NTRK2: variants seen among roughly 807,000 people sequenced by gnomAD.
The protein encoded by NTRK2 is neurotrophic receptor tyrosine kinase 2, also known as BDNF/NT-3 growth factors receptor.
Under a neutral mutation model 94.5 loss-of-function variants are expected in NTRK2, and 13 were observed. That is an observed-to-expected ratio of 0.14 (90% CI 0.09 to 0.22). NTRK2 has a LOEUF of 0.22. Among genes scored for constraint, NTRK2 ranks in the 10% least tolerant of loss-of-function variants. The pLI is 1.00. For synonymous variants in NTRK2, 372 were observed against 407.4 expected, an observed-to-expected ratio of 0.91 and a Z score of 1.05; for missense variants, 639 against 1,071.2, an observed-to-expected ratio of 0.60 and a Z score of 5.63.
chr9:84,673,608 C>G (rs948397102), intron 2 of NTRK2, among the ~76,000 whole-genome samples: 1 of 152,024 alleles, frequency 6.6e-6, no homozygotes, highest in Non-Finnish European at 1.5e-5. Context: ...TATATTAAAC[C>G]ATCATGCCCT....
At chr9:84,696,573 G>A (rs193140908) in intron 2 of NTRK2, among the ~76,000 whole-genome samples, 212 of 152,294 alleles carry the variant, frequency 1.4e-3, no homozygotes, top group African/African-American at 4.6e-3. Context: ...GCTAGGAAAC[G>A]GAGATCAGTG....
At chr9:84,735,778 A>G (rs2063216245) in intron 9 of NTRK2, among the ~76,000 whole-genome samples, 1 of 152,236 alleles carries the variant, frequency 6.6e-6, no homozygotes, top group Non-Finnish European at 1.5e-5. Context: ...CTAAGATGAA[A>G]TTGATCCACT....
chr9:84,825,045 G>C (rs141714607), intron 12 of NTRK2, among the ~76,000 whole-genome samples: 1 of 150,154 alleles, frequency 6.7e-6, no homozygotes, highest in African/African-American at 2.5e-5. Context: ...CACCTGCCCC[G>C]TGCCTTCTGC....
chr9:85,021,101 TATA>T (rs1219002894), intron 18 of NTRK2, 148 bp from the exon 19 acceptor site: 19 of 707,672 alleles, frequency 2.7e-5, no homozygotes, highest in African/African-American at 5.3e-5. Flanking sequence ...TAAACTAACC[TATA>T]ATAATTGCTC....
intron 2 of NTRK2, among the ~76,000 whole-genome samples, chr9:84,688,181 T>C (rs79880709): frequency 0.015 from 2,292 of 152,282 alleles, 61 homozygotes; most frequent in African/African-American, 0.052. Context: ...CTATTGGCTC[T>C]GTGGACTCCT....
At chr9:84,686,310 A>T (rs1387677247) in intron 2 of NTRK2, among the ~76,000 whole-genome samples, 1 of 152,212 alleles carries the variant, frequency 6.6e-6, no homozygotes, top group African/African-American at 2.4e-5. Context: ...AGAGGGGAGG[A>T]TGAGGGCGTT....
chr9:84,817,261 T>C (rs1011102873), intron 12 of NTRK2, among the ~76,000 whole-genome samples: 41 of 152,194 alleles, frequency 2.7e-4, no homozygotes, highest in Non-Finnish European at 1.5e-4. Context: ...CATATGCAGA[T>C]TGTGTGGTTG....
chr9:84,697,209 G>A (rs1419830098), intron 2 of NTRK2, among the ~76,000 whole-genome samples: 1 of 152,200 alleles, frequency 6.6e-6, no homozygotes, highest in Non-Finnish European at 1.5e-5. Context: ...CAGGCTGGGG[G>A]GTGGAGGGAA....
intron 14 of NTRK2, among the ~76,000 whole-genome samples, chr9:84,868,147 C>T (rs189924004): frequency 6.6e-6 from 1 of 152,258 alleles, no homozygotes; most frequent in East Asian, 1.9e-4. Context: ...CCACAGTGGA[C>T]AAACAGGCTT....
intron 2 of NTRK2, among the ~76,000 whole-genome samples, chr9:84,687,937 T>C (rs915075647): frequency 6.6e-6 from 1 of 152,142 alleles, no homozygotes; most frequent in Non-Finnish European, 1.5e-5. Context: ...GGCAGGTGCA[T>C]GGACAGTTCG....
chr9:84,826,796 C>T (rs781388124), intron 12 of NTRK2, among the ~76,000 whole-genome samples: 6 of 152,202 alleles, frequency 3.9e-5, no homozygotes, highest in Non-Finnish European at 5.9e-5. Context: ...ATTACCACCA[C>T]TCATTCATTC....
In NTRK2 at chr9:85,026,411, T is replaced by A; in HGVS notation, c.*4974T>A. On this transcript the variant is annotated 3_prime_UTR_variant, in exon 19 of 19. Coordinates refer to ENST00000277120, the MANE Select transcript of NTRK2 (RefSeq NM_006180.6). Reference sequence around the variant, plus strand: ...GCATCATAAAAGCTGCTAGTAGCCATGTGTTTGAACAGGAAAAATATTACA... The same window carrying A: ...GCATCATAAAAGCTGCTAGTAGCCAAGTGTTTGAACAGGAAAAATATTACA... 4.3e-6 allele frequency: 1 copy of A among 232,016 alleles called. No homozygotes were observed. The highest frequency in any genetic ancestry group is 8.5e-6 in the Non-Finnish European group (1 of 117,282). The allele number at this position is 232,016 out of a possible 1,614,324, so 14.4% of individuals were successfully genotyped here.
At chr9:84,889,846 T>G (rs1478191143) in intron 14 of NTRK2, among the ~76,000 whole-genome samples, 1 of 152,232 alleles carries the variant, frequency 6.6e-6, no homozygotes, top group Admixed American at 6.5e-5. Context: ...ATTACCAGTA[T>G]CGAGACAGTT....
At chr9:84,948,025 G>T (rs111499337) in intron 15 of NTRK2, among the ~76,000 whole-genome samples, 8 of 152,204 alleles carry the variant, frequency 5.3e-5, no homozygotes, top group Admixed American at 5.2e-4. Context: ...CAAACTGATC[G>T]TTGCTGAAGC....
chr9:84,701,615 T>C (rs2060726784), intron 2 of NTRK2, among the ~76,000 whole-genome samples: 1 of 152,046 alleles, frequency 6.6e-6, no homozygotes, highest in African/African-American at 2.4e-5. Flanking sequence ...GAAAGATTGA[T>C]ACTGTTACTG....
At chr9:84,955,815 C>A (rs907779651) in intron 17 of NTRK2, among the ~76,000 whole-genome samples, 1 of 152,158 alleles carries the variant, frequency 6.6e-6, no homozygotes, top group Non-Finnish European at 1.5e-5. Context: ...TTAAGGACAC[C>A]AGTCAGATTG....
intron 12 of NTRK2, among the ~76,000 whole-genome samples, chr9:84,856,089 A>AT (rs1564393993): frequency 6.6e-6 from 1 of 152,046 alleles, no homozygotes; most frequent in Non-Finnish European, 1.5e-5. Flanking sequence ...AAATACACAC[A>AT]TTTTTCTTTA....
chr9:84,727,826 C>T lies in NTRK2; in HGVS notation c.1026C>T (p.Tyr342=), dbSNP rs2132080629. 3.7e-6 allele frequency: 6 copies of T among 1,614,152 alleles called. No homozygotes were observed. Among genetic ancestry groups the T allele is most frequent in the Non-Finnish European group, 4.2e-6 (5 of 1,180,032 alleles). The change falls in exon 9 of 19, where the codon TAC becomes TAT. Residue 342 remains tyrosine, a synonymous_variant. Coordinates refer to ENST00000277120, the MANE Select transcript of NTRK2 (RefSeq NM_006180.6). ...TACATGTTACCAATCACACGGAGTA[C>T]CACGGCTGCCTCCAGCTGGATAATC... ...TKIHVTNHTE[Y]HGCLQLDNPT...
In NTRK2 at chr9:84,929,764, G is replaced by A. The variant is rs148759033; in HGVS notation, c.1634-4398G>A. Among the ~76,000 whole-genome samples, 221 of 152,178 alleles carry A rather than the reference G, an allele frequency of 1.5e-3. 3 individuals carry two copies. The East Asian group carries it at 0.041, about 28-fold the overall frequency. ...TTTAATAGAGACAGGGTTTCACCAC[G>A]TTGGCCAGGCTGGTCTCAAACTCCT... On this transcript the variant is annotated intron_variant, in intron 14 of 18. Coordinates refer to ENST00000277120, the MANE Select transcript of NTRK2 (RefSeq NM_006180.6).
Sources: gnomAD v4.1 joint callset for allele counts (sites outside exome capture counted in the v4.1 genomes callset) on GRCh38, gnomAD v4.1.1 for gene constraint, MANE v1.5 for transcripts, NCBI Gene and HGNC (gene_info 2026-07-23, HGNC 2026-07-21) for gene names.